TP53I13: variants seen among roughly 807,000 people sequenced by gnomAD.
TP53I13 encodes the protein tumor protein p53-inducible protein 13.
TP53I13 carries 27 observed loss-of-function variants against 39.1 expected under a neutral mutation model. That is an observed-to-expected ratio of 0.69 (90% CI 0.51 to 0.95). The LOEUF (loss-of-function observed/expected upper bound fraction) is 0.95, where lower values mean the gene tolerates loss of function less well. TP53I13 is among the 40% of genes least tolerant of loss of function. The pLI is 0.00. For synonymous variants in TP53I13, 230 were observed against 224.6 expected, an observed-to-expected ratio of 1.02 and a Z score of -0.22; for missense variants, 544 against 520.4, an observed-to-expected ratio of 1.05 and a Z score of -0.44.
downstream of TP53I13, chr17:29,576,491 G>A (rs1049947343): frequency 1.1e-5 from 17 of 1,613,176 alleles, no homozygotes; most frequent in Non-Finnish European, 1.4e-5. Flanking sequence ...GAGTCCTGGG[G>A]CTCCCCCTCC....
the TP53I13 span, chr17:29,578,256 C>A: frequency 6.6e-7 from 1 of 1,509,748 alleles, no homozygotes; most frequent in South Asian, 1.1e-5. Context: ...ATGCCTGGGC[C>A]GCTCGGGTCC....
Position 29,569,016 on chromosome 17 carries a change from A to T in TP53I13, c.73-2A>T. Reference sequence around the variant, plus strand: ...CCCCAACTCTTCGCTTTGGACCCACAGGTGATGGCTGGACCGGCGGAGGAG... The same window carrying T: ...CCCCAACTCTTCGCTTTGGACCCACTGGTGATGGCTGGACCGGCGGAGGAG... On this transcript the variant is annotated splice_acceptor_variant, in intron 1 of 6. Transcript: ENST00000301057. LOFTEE classifies it high-confidence loss of function. 1.2e-6 allele frequency: 2 copies of T among 1,609,202 alleles called. No homozygotes were observed. The highest frequency in any genetic ancestry group is 1.7e-6 in the Non-Finnish European group (2 of 1,178,638).
At position 29,572,900 on chromosome 17, in the gene TP53I13, C is replaced by A; in HGVS notation, c.1158C>A (p.Gly386=). 1 of 1,509,438 alleles carries A rather than the reference C, an allele frequency of 6.6e-7. No individual in the cohort carries two copies. Among genetic ancestry groups the A allele is most frequent in the South Asian group, 1.2e-5 (1 of 81,160 alleles). The allele number at this position is 1,509,438 out of a possible 1,614,324, so 93.5% of individuals were successfully genotyped here. ...TCCTCCCGCCCACGCCGGACAGCGG[C>A]CCGGAAGGCGAGAGCTCGGAGTGAC... The part of the protein sequence containing the change: ...RPLLPPTPDS[G]PEGESSE Residue 386 remains glycine (G), a synonymous_variant, in exon 7 of 7, where the codon GGC becomes GGA. Transcript: ENST00000301057.
downstream of TP53I13, chr17:29,577,361 G>C: frequency 1.2e-6 from 1 of 846,318 alleles, no homozygotes. Context: ...CCCAGCTAAA[G>C]CGTCCCAGCC....
intron 3 of TP53I13, chr17:29,570,300 G>A (rs2032876835): frequency 6.7e-6 from 1 of 148,822 alleles, no homozygotes; most frequent in African/African-American, 2.5e-5. Flanking sequence ...CTGAGGTCAG[G>A]AGTTCAAGAC....
upstream of TP53I13, chr17:29,568,630 GAGCCCAGGGCCAA>G: frequency 2.1e-6 from 1 of 482,438 alleles, no homozygotes; most frequent in Non-Finnish European, 2.7e-6. This position sits in a 1 kb window ranked among gnomAD's most constrained non-coding sequence, Gnocchi z 4.5. Context: ...GGGCGCGCGC[GAGCCCAGGGCCAA>G]CGGACGCGCG....
the TP53I13 span, among the ~76,000 whole-genome samples, chr17:29,580,842 G>A: frequency 7.3e-5 from 11 of 151,450 alleles, no homozygotes; most frequent in East Asian, 5.8e-4. Context: ...GTGCAATGGC[G>A]TGCTCTCGGC....
At chr17:29,579,368 G>T in the TP53I13 span, 1 of 290,044 alleles carries the variant, frequency 3.4e-6, no homozygotes, top group Non-Finnish European at 6.6e-6. Context: ...GTGATTTTTT[G>T]GATACACCTG....
At position 29,571,874 on chromosome 17, in the gene TP53I13, A is replaced by C. The variant is rs776897493; in HGVS notation, c.330A>C (p.Ala110=). Residue 110 remains alanine, a synonymous_variant, in exon 5 of 7, where the codon GCA becomes GCC. Transcript: ENST00000301057. ...LTQDRPLVLT[A]WGLALEMAWV... ...TCTCGTAGCCCCTGGTGCTGACTGC[A>C]TGGGGGCTGGCGCTGGAGATGGCCT... 4.3e-6 allele frequency: 7 copies of C among 1,613,154 alleles called. No individual in the cohort carries two copies. Among genetic ancestry groups the C allele is most frequent in the Non-Finnish European group, 5.9e-6 (7 of 1,179,898 alleles).
rs11541471 is a variant in TP53I13, at chr17:29,572,968, C to G, written c.*44C>G. 0.019 allele frequency: 25,515 copies of G among 1,348,798 alleles called. 392 individuals are homozygous for G. Among genetic ancestry groups the G allele is most frequent in the Middle Eastern group, 0.066 (242 of 3,680 alleles). The allele number at this position is 1,348,798 out of a possible 1,614,324, so 83.6% of individuals were successfully genotyped here. ...TGTGGCGTGCGGCTCCTCCCCGCGC[C>G]GCGAGGCCGCGACCTCTGCCACGTG... is the stretch of plus-strand genomic sequence containing the variant. On this transcript the variant is annotated 3_prime_UTR_variant, in exon 7 of 7. Transcript: ENST00000301057.
chr17:29,571,460 T>C (rs2032918078), intron 3 of TP53I13, 131 bp from the exon 4 acceptor site: 1 of 1,297,410 alleles, frequency 7.7e-7, no homozygotes, highest in Non-Finnish European at 1.1e-6. Flanking sequence ...TGTCCTTTCC[T>C]GGGCCCTGAA....
At chr17:29,573,943 C>T (rs1455144006), downstream of TP53I13, 1 of 152,554 alleles carries the variant, frequency 6.6e-6, no homozygotes, top group Admixed American at 6.5e-5. Flanking sequence ...CGGACAGTCC[C>T]TGGCTCCAGG....
downstream of TP53I13, chr17:29,577,239 T>C (rs763320758): frequency 1.2e-6 from 2 of 1,613,640 alleles, no homozygotes; most frequent in Admixed American, 1.7e-5. Context: ...GGGCCAGCTT[T>C]TGTCGCCCCT....
upstream of TP53I13, chr17:29,566,862 C>T (rs1253125183): frequency 2.7e-6 from 4 of 1,507,668 alleles, no homozygotes; most frequent in South Asian, 3.7e-5. Context: ...GCAGGGTCCT[C>T]TCTCCGACGG....
At chr17:29,567,157 C>G (rs558346066), upstream of TP53I13, 21 of 234,008 alleles carry the variant, frequency 9.0e-5, no homozygotes, top group African/African-American at 4.6e-4. The surrounding 1 kb of genome is among the most constrained non-coding windows in gnomAD (Gnocchi z 6.6). Flanking sequence ...GCCCCCCACC[C>G]CCGCCCCGGC....
In TP53I13 at chr17:29,572,847, CG is replaced by C; in HGVS notation, c.1108del (p.Val370SerfsTer96). Reference sequence around the variant, plus strand: ...GCGGAGGCTGCTGCAGCCCTCGCGCCGGGTCAAGCGCTCGCGCCGGAGACCC... The same window carrying C: ...GCGGAGGCTGCTGCAGCCCTCGCGCCGGTCAAGCGCTCGCGCCGGAGACCC... ...LKRRLLQPSR[R>X]VKRSRRRPLL... On this transcript the variant is annotated frameshift_variant, in exon 7 of 7. Transcript: ENST00000301057. LOFTEE classifies it high-confidence loss of function. 6.6e-7 allele frequency: 1 copy of C among 1,525,382 alleles called. No homozygotes were observed. Among genetic ancestry groups the C allele is most frequent in the Non-Finnish European group, 8.8e-7 (1 of 1,142,814 alleles). 94.5% of individuals were successfully genotyped at this position (1,525,382 alleles called of 1,614,324 possible).
chr17:29,574,023 G>A (rs1018650572), downstream of TP53I13: 2 of 152,422 alleles, frequency 1.3e-5, no homozygotes. Context: ...AACTCCAGAT[G>A]GACCAGGCCT....
At chr17:29,566,313 C>G, upstream of TP53I13, 1 of 1,611,710 alleles carries the variant, frequency 6.2e-7, no homozygotes. Context: ...TGTATGTGAC[C>G]GCCTCCTTGA....
chr17:29,566,311 A>T, upstream of TP53I13: 1 of 1,611,670 alleles, frequency 6.2e-7, no homozygotes, highest in East Asian at 2.2e-5. Flanking sequence ...GATGTATGTG[A>T]CCGCCTCCTT....
Sources: gnomAD v4.1 joint callset for allele counts (sites outside exome capture counted in the v4.1 genomes callset) on GRCh38, gnomAD v4.1.1 for gene constraint, Gnocchi (gnomAD v3.1) non-coding constraint, MANE v1.5 for transcripts, NCBI Gene and HGNC (gene_info 2026-07-23, HGNC 2026-07-21) for gene names.